CRACD: variants seen among roughly 807,000 people sequenced by gnomAD.
The protein encoded by CRACD is capping protein-inhibiting regulator of actin dynamics.
CRACD carries 56 observed loss-of-function variants against 106.8 expected under a neutral mutation model. The observed-to-expected ratio is 0.52, with a 90% CI of 0.42 to 0.66. The LOEUF is 0.66. CRACD is among the 30% of genes least tolerant of loss of function. CRACD has a pLI of 0.00. For missense variants in CRACD, 1,730 were observed against 1,623.2 expected, an observed-to-expected ratio of 1.07 and a Z score of -1.13; for synonymous variants, 754 against 670.8, an observed-to-expected ratio of 1.12 and a Z score of -1.92.
chr4:56,100,562 A>G (rs960800938), intron 1 of CRACD, among the ~76,000 whole-genome samples: 4 of 152,200 alleles, frequency 2.6e-5, no homozygotes, highest in Admixed American at 2.6e-4. Context: ...TGAAGTTTTA[A>G]CCACCAGTAC....
chr4:56,316,183 A>C lies in CRACD; in HGVS notation c.2681A>C (p.Glu894Ala), dbSNP rs759014055. 1.2e-6 allele frequency: 2 copies of C among 1,614,048 alleles called. No homozygotes were observed. The highest frequency in any genetic ancestry group is 2.7e-5 in the African/African-American group (2 of 74,934). ...GCGGGGAGCGCTCGTGGAGAGAAAG[A>C]GATGGAGGGTGTGGCCCTCAAGCAT... ...PAAGSARGEK[E>A]MEGVALKHGP... The change falls in exon 8 of 11, where the codon GAG becomes GCG. Residue 894 changes from glutamate (E) to alanine (A), a missense_variant. This residue lies in a region of CRACD where 1,620 missense variants were observed against 1,481.6 expected (regional missense o/e 1.09). Coordinates refer to ENST00000682029, the MANE Select transcript of CRACD (RefSeq NM_001393381.1).
chr4:56,192,739 C>T (rs1737433801), intron 2 of CRACD, among the ~76,000 whole-genome samples: 1 of 151,722 alleles, frequency 6.6e-6, no homozygotes, highest in South Asian at 2.1e-4. Context: ...AAAGGAAGAC[C>T]CCGGATTTTA....
chr4:56,269,309 G>T (rs1272703131), intron 2 of CRACD, among the ~76,000 whole-genome samples: 1 of 152,036 alleles, frequency 6.6e-6, no homozygotes, highest in Non-Finnish European at 1.5e-5. Flanking sequence ...CTTGAACCCG[G>T]GAGGTGGAGG....
intron 1 of CRACD, among the ~76,000 whole-genome samples, chr4:56,075,307 G>A (rs569377593): frequency 4.5e-4 from 68 of 152,208 alleles, no homozygotes; most frequent in South Asian, 1.0e-3. Flanking sequence ...CCGTGAATCC[G>A]TCTGGACCTG....
intron 1 of CRACD, among the ~76,000 whole-genome samples, chr4:56,114,792 T>C (rs894652309): frequency 6.6e-6 from 1 of 152,108 alleles, no homozygotes; most frequent in African/African-American, 2.4e-5. Flanking sequence ...TACATATTTA[T>C]ATTTATATAT....
At position 56,154,082 on chromosome 4, in the gene CRACD, G is replaced by T. The variant is rs189526589; in HGVS notation, c.-335-25202G>T. On this transcript the variant is annotated intron_variant, in intron 1 of 10. Coordinates refer to ENST00000682029, the MANE Select transcript of CRACD (RefSeq NM_001393381.1). Reference sequence around the variant, plus strand: ...AGACTATTAGAAGAGAGTCACTGTGGTTCAGTGCTTAATACCACCAGAAGT... The same window carrying T: ...AGACTATTAGAAGAGAGTCACTGTGTTTCAGTGCTTAATACCACCAGAAGT... 2.0e-3 allele frequency among the ~76,000 whole-genome samples: 303 copies of T among 152,312 alleles called. 1 individual carries two copies. The highest frequency in any genetic ancestry group is 6.6e-3 in the African/African-American group (274 of 41,562).
At chr4:56,139,358 C>G (rs1735117501) in intron 1 of CRACD, among the ~76,000 whole-genome samples, 1 of 152,150 alleles carries the variant, frequency 6.6e-6, no homozygotes, top group Non-Finnish European at 1.5e-5. Flanking sequence ...TCTTTCCCCT[C>G]TCTCTTCACC....
chr4:56,214,677 C>CTATATATATATATA (rs748365524), intron 2 of CRACD, among the ~76,000 whole-genome samples: 1 of 68,840 alleles, frequency 1.5e-5, no homozygotes, highest in African/African-American at 5.0e-5. Flanking sequence ...CTCTCTCTCT[C>CTATATATATATATA]TCTCTATATA....
Position 56,314,807 on chromosome 4 carries a change from C to G in CRACD, c.1305C>G (p.Arg435=). 1.2e-6 allele frequency: 2 copies of G among 1,606,648 alleles called. No homozygotes were observed. The highest frequency in any genetic ancestry group is 2.2e-5 in the East Asian group (1 of 44,548). ...AGGAGAGGCTCGAAGACCAGGAACGCCTGAAACCCGAAGGACAAAGAGAAC... is the reference window on the plus strand; with the variant it reads ...AGGAGAGGCTCGAAGACCAGGAACGGCTGAAACCCGAAGGACAAAGAGAAC... ...DFEERLEDQE[R]LKPEGQREHS... is the part of the protein sequence containing the mutation. The change falls in exon 8 of 11, where the codon CGC becomes CGG. Residue 435 remains arginine (R), a synonymous_variant. Transcript: ENST00000682029. This position sits in a 1 kb window ranked among gnomAD's most constrained non-coding sequence, Gnocchi z 4.4.
intron 1 of CRACD, among the ~76,000 whole-genome samples, chr4:56,166,685 A>AAAAAAT (rs1736168511): frequency 6.6e-6 from 1 of 151,754 alleles, no homozygotes; most frequent in Non-Finnish European, 1.5e-5. Context: ...CAAAAAAAAA[A>AAAAAAT]AAAAAAACCA....
rs191067658 is a variant in CRACD, at chr4:56,075,632, T to A, written c.-336+26333T>A. On this transcript the variant is annotated intron_variant, in intron 1 of 10. Coordinates refer to ENST00000682029, the MANE Select transcript of CRACD (RefSeq NM_001393381.1). ...CTGGTTACTCCCTCCCCCAAACCCCTAGCAACCAAGTCTCCTAGCAACCAC... is the reference window on the plus strand; with the variant it reads ...CTGGTTACTCCCTCCCCCAAACCCCAAGCAACCAAGTCTCCTAGCAACCAC... Among the ~76,000 whole-genome samples the A allele has an allele frequency of 3.2e-4, 48 of 152,250 alleles. 1 individual carries two copies. The East Asian group carries it at 7.5e-3, about 24-fold the overall frequency.
chr4:56,145,804 A>C (rs1265879461), intron 1 of CRACD, among the ~76,000 whole-genome samples: 2 of 151,556 alleles, frequency 1.3e-5, no homozygotes, highest in African/African-American at 2.4e-5. Flanking sequence ...TATTTTTTGT[A>C]TTTGAGATGG....
intron 3 of CRACD, among the ~76,000 whole-genome samples, chr4:56,284,228 A>C (rs1488145711): frequency 4.7e-5 from 6 of 127,412 alleles, no homozygotes; most frequent in Admixed American, 3.9e-4. Context: ...CTGAGGTGGG[A>C]GGATTCCTTG....
At chr4:56,267,287 A>C (rs1378871759) in intron 2 of CRACD, among the ~76,000 whole-genome samples, 1 of 151,540 alleles carries the variant, frequency 6.6e-6, no homozygotes, top group Non-Finnish European at 1.5e-5. Flanking sequence ...CGCCCAGCTA[A>C]TTTTTTTTGT....
intron 1 of CRACD, among the ~76,000 whole-genome samples, chr4:56,091,089 G>A (rs1733409933): frequency 6.6e-6 from 1 of 151,884 alleles, no homozygotes; most frequent in South Asian, 2.1e-4. Context: ...GTCTATCTCT[G>A]TTGCCCAGGG....
chr4:56,264,559 C>G (rs929661890), intron 2 of CRACD, among the ~76,000 whole-genome samples: 23 of 152,212 alleles, frequency 1.5e-4, no homozygotes, highest in African/African-American at 5.3e-4. Context: ...CTCTCACCAT[C>G]TGTTCAGGGA....
intron 1 of CRACD, among the ~76,000 whole-genome samples, chr4:56,073,844 G>A (rs1360835707): frequency 2.6e-5 from 4 of 152,078 alleles, no homozygotes; most frequent in Admixed American, 1.3e-4. Flanking sequence ...AGGTCTTAAT[G>A]TTTAAATCTT....
intron 1 of CRACD, among the ~76,000 whole-genome samples, chr4:56,078,855 T>C (rs1014441255): frequency 6.6e-6 from 1 of 152,174 alleles, no homozygotes; most frequent in Non-Finnish European, 1.5e-5. Context: ...CTTAGCCTGG[T>C]TGAGCAGAGA....
At chr4:56,283,181 C>G (rs1299569748) in intron 3 of CRACD, among the ~76,000 whole-genome samples, 2 of 152,162 alleles carry the variant, frequency 1.3e-5, no homozygotes, top group East Asian at 3.9e-4. Context: ...GTGTGACAAC[C>G]TTTGCTCTCA....
Sources: allele counts gnomAD v4.1 joint callset (sites outside exome capture counted in the v4.1 genomes callset), GRCh38; gene constraint gnomAD v4.1.1; regional missense constraint gnomAD v4.1.1; non-coding constraint Gnocchi (gnomAD v3.1); transcripts MANE v1.5; gene names NCBI Gene and HGNC (gene_info 2026-07-23, HGNC 2026-07-21).